Variants in SLC19A2 observed in about 807,000 individuals in gnomAD.
The protein encoded by SLC19A2 is solute carrier family 19 member 2.
Under a neutral mutation model 44.7 loss-of-function variants are expected in SLC19A2, and 27 were observed. The observed-to-expected ratio is 0.60, with a 90% confidence interval of 0.45 to 0.83. SLC19A2 has a LOEUF of 0.83. Among genes scored for constraint, SLC19A2 ranks in the 40% least tolerant of loss-of-function variants. The probability of loss-of-function intolerance (pLI) is 0.00; values close to 1 mark genes in which losing one functional copy is unlikely to be tolerated. For missense variants in SLC19A2, 566 were observed against 613.7 expected, an observed-to-expected ratio of 0.92 and a Z score of 0.82; for synonymous variants, 239 against 243.6, an observed-to-expected ratio of 0.98 and a Z score of 0.18.
In SLC19A2 at chr1:169,485,532, C is replaced by T. The variant is rs748498562; in HGVS notation, c.204+31G>A. ...GCCCACCCGCAGGCCGGTCGCCCGC[C>T]CTTCCCGCGCCCCGCGTCCGCCGCG... On this transcript the variant is annotated intron_variant, in intron 1 of 5. Transcript: ENST00000236137. The T allele has an allele frequency of 7.7e-6, 12 of 1,562,112 alleles. No homozygotes were observed. In the South Asian group the frequency reaches 1.2e-4, roughly 15 times the overall value.
At chr1:169,485,506 T>G (rs1350071774) in intron 1 of SLC19A2, 57 bp downstream of exon 1, 1 of 1,536,088 alleles carries the variant, frequency 6.5e-7, no homozygotes, top group Non-Finnish European at 8.8e-7. Context: ...CTTCCTCCGC[T>G]GCCCACCCGC....
At position 169,485,588 on chromosome 1, in the gene SLC19A2, G is replaced by A; in HGVS notation, c.179C>T (p.Pro60Leu). 1 of 1,586,288 alleles carries A rather than the reference G, an allele frequency of 6.3e-7. No homozygotes were observed. Among genetic ancestry groups the A allele is most frequent in the African/African-American group, 1.3e-5 (1 of 74,372 alleles). Residue 60 changes from proline (P) to leucine (L), a missense_variant, in exon 1 of 6, where the codon CCG becomes CTG. Physicochemically the swap from Pro to Leu is moderately conservative, Grantham distance 98. Transcript: ENST00000236137. ...EPFLTPYLLG[P>L]DKNLTEREVF... The stretch of plus-strand genomic sequence containing the variant: ...CTCCCTCTCGGTCAGGTTCTTGTCC[G>A]GCCCCAGCAGGTACGGGGTCAGGAA...
chr1:169,482,583 C>T (rs1658466504), intron 1 of SLC19A2, among the ~76,000 whole-genome samples: 1 of 152,064 alleles, frequency 6.6e-6, no homozygotes, highest in African/African-American at 2.4e-5. Context: ...AGTATTGAAC[C>T]TAGTGAGGAA....
chr1:169,478,523 A>ATTTTTTTT (rs35141285), intron 1 of SLC19A2, among the ~76,000 whole-genome samples: 1 of 66,608 alleles, frequency 1.5e-5, no homozygotes, highest in African/African-American at 6.5e-5. Context: ...CAACCAGCTA[A>ATTTTTTTT]TTTTTTTTTT....
intron 1 of SLC19A2, among the ~76,000 whole-genome samples, chr1:169,481,696 G>T (rs878911372): frequency 6.6e-6 from 1 of 152,146 alleles, no homozygotes; most frequent in Admixed American, 6.5e-5. Flanking sequence ...TGTGAGCAAC[G>T]GGAATTGATT....
chr1:169,473,075 CT>C (rs1444113275), intron 2 of SLC19A2, among the ~76,000 whole-genome samples: 2 of 152,142 alleles, frequency 1.3e-5, no homozygotes, highest in Admixed American at 1.3e-4. Flanking sequence ...TTTTTATTTA[CT>C]TATCATAACG....
At position 169,465,819 on chromosome 1, in the gene SLC19A2, T is replaced by C; in HGVS notation, c.*30A>G. On this transcript the variant is annotated 3_prime_UTR_variant, in exon 6 of 6. Coordinates refer to ENST00000236137, the MANE Select transcript of SLC19A2 (RefSeq NM_006996.3). Reference sequence around the variant, plus strand: ...CCAGGCAGTTGCTGTGCAGAGTTCTTGCTATAAGAAGAAGCCCTTCAGCAG... The same window carrying C: ...CCAGGCAGTTGCTGTGCAGAGTTCTCGCTATAAGAAGAAGCCCTTCAGCAG... The C allele has an allele frequency of 6.2e-7, 1 of 1,612,182 alleles. No homozygotes were observed. Among genetic ancestry groups the C allele is most frequent in the Non-Finnish European group, 8.5e-7 (1 of 1,179,094 alleles).
chr1:169,468,833 G>A lies in SLC19A2; in HGVS notation c.1034C>T (p.Ala345Val), dbSNP rs1172013226. 1 of 1,613,424 alleles carries A rather than the reference G, an allele frequency of 6.2e-7. No individual in the cohort carries two copies. Among genetic ancestry groups the A allele is most frequent in the East Asian group, 2.2e-5 (1 of 44,870 alleles). Residue 345 changes from alanine to valine, a missense_variant, in exon 4 of 6, where the codon GCT (alanine) becomes GTT (valine). Physicochemically the swap from Ala to Val is moderately conservative, Grantham distance 64 (BLOSUM62 0). Transcript: ENST00000236137. ...ATAACCAACTGCAAACACAGCAACAGCACCTACAGAACAAACAAAAAAAAT... is the reference window on the plus strand; with the variant it reads ...ATAACCAACTGCAAACACAGCAACAACACCTACAGAACAAACAAAAAAAAT... ...GVEAVSTLLG[A>V]VAVFAVGYIK...
chr1:169,469,261 T>C (rs1229166685), intron 3 of SLC19A2: 1 of 211,094 alleles, frequency 4.7e-6, no homozygotes, highest in Non-Finnish European at 9.5e-6. Context: ...GTGATGATGA[T>C]AAGGATAGCT....
chr1:169,471,459 G>A (rs183564673), intron 2 of SLC19A2, among the ~76,000 whole-genome samples: 26 of 128,138 alleles, frequency 2.0e-4, no homozygotes, highest in African/African-American at 5.3e-4. Context: ...GTAAGATCCC[G>A]TCTCCACACA....
intron 1 of SLC19A2, among the ~76,000 whole-genome samples, chr1:169,481,023 G>A (rs1333141344): frequency 6.6e-6 from 1 of 152,196 alleles, no homozygotes; most frequent in African/African-American, 2.4e-5. Flanking sequence ...ATAGGGGAGA[G>A]GGGGAAGACC....
rs745928505 is a variant in SLC19A2 at position 169,485,711 on chromosome 1, A to G, written c.56T>C (p.Leu19Pro). The change falls in exon 1 of 6, where the codon CTC becomes CCC. Residue 19 changes from leucine (L) to proline (P), a missense_variant. Transcript: ENST00000236137. ...RRAAAAAATVLLRTARVRREC... is the reference protein window; with the variant it reads ...RRAAAAAATVPLRTARVRREC... ...GCGACGGACCCGAGCGGTCCGCAGG[A>G]GCACAGTGGCCGCCGCCGCCGCCGC... 2.3e-5 allele frequency: 36 copies of G among 1,541,582 alleles called. No individual in the cohort carries two copies. The highest frequency in any genetic ancestry group is 2.9e-5 in the Non-Finnish European group (33 of 1,145,750).
intron 3 of SLC19A2, chr1:169,469,065 G>A: frequency 3.8e-6 from 2 of 528,924 alleles, no homozygotes; most frequent in East Asian, 3.3e-5. Context: ...GCAATGAGAT[G>A]AAAATGCAGG....
intron 1 of SLC19A2, among the ~76,000 whole-genome samples, chr1:169,481,897 G>A (rs1032033979): frequency 6.6e-6 from 1 of 152,154 alleles, no homozygotes; most frequent in Non-Finnish European, 1.5e-5. Flanking sequence ...CCAGCACGGA[G>A]GTGACAAAAA....
At chr1:169,477,814 T>C in intron 1 of SLC19A2, 57 bp from the exon 2 acceptor site, 1 of 1,526,632 alleles carries the variant, frequency 6.6e-7, no homozygotes, top group Non-Finnish European at 8.9e-7. Flanking sequence ...GGACCTGGAA[T>C]ACTCATAAAG....
intron 3 of SLC19A2, among the ~76,000 whole-genome samples, 181 bp downstream of exon 3, chr1:169,469,783 T>C (rs937451104): frequency 2.6e-5 from 4 of 152,220 alleles, no homozygotes; most frequent in Admixed American, 6.5e-5. Flanking sequence ...TTGTTAGTCA[T>C]AGTCCTGCTC....
At chr1:169,482,698 C>T (rs1269777577) in intron 1 of SLC19A2, among the ~76,000 whole-genome samples, 2 of 152,098 alleles carry the variant, frequency 1.3e-5, no homozygotes, top group Non-Finnish European at 2.9e-5. Context: ...AAGATATCAA[C>T]AGATATATAT....
chr1:169,470,423 G>A (rs1051084771), intron 2 of SLC19A2, among the ~76,000 whole-genome samples: 5 of 152,182 alleles, frequency 3.3e-5, no homozygotes, highest in African/African-American at 1.2e-4. Flanking sequence ...CCCAGCAAAA[G>A]ATGTACTGTT....
In SLC19A2 at chr1:169,464,073, C is replaced by T. The variant is rs1657931868; in HGVS notation, c.*1776G>A. On this transcript the variant is annotated 3_prime_UTR_variant, in exon 6 of 6. Coordinates refer to ENST00000236137, the MANE Select transcript of SLC19A2 (RefSeq NM_006996.3). ...GAGTTCAGCATTCTATAAATATGGC[C>T]ACATACCAAGATGTGAACATATTCT... is the stretch of plus-strand genomic sequence containing the variant. 1 of 152,376 alleles carries T rather than the reference C, an allele frequency of 6.6e-6. No homozygotes were observed. The highest frequency in any genetic ancestry group is 2.4e-5 in the African/African-American group (1 of 41,348). The allele number at this position is 152,376 out of a possible 1,614,324, so 9.4% of individuals were successfully genotyped here.
Sources: gnomAD v4.1 joint callset for allele counts (sites outside exome capture counted in the v4.1 genomes callset) on GRCh38, gnomAD v4.1.1 for gene constraint, MANE v1.5 for transcripts, NCBI Gene and HGNC (gene_info 2026-07-23, HGNC 2026-07-21) for gene names.